The following CSMD1 variants were observed in gnomAD, a reference collection of about 807,000 sequenced individuals.
CSMD1 encodes the protein CUB and sushi domain-containing protein 1.
In CSMD1, 213 loss-of-function variants were observed where a neutral mutation model predicts 417.5. The observed-to-expected ratio is 0.51, with a 90% confidence interval of 0.46 to 0.57. CSMD1 has a LOEUF of 0.57. CSMD1 is among the 20% of genes least tolerant of loss of function. The probability of loss-of-function intolerance (pLI) is 0.00; values close to 1 mark genes in which losing one functional copy is unlikely to be tolerated. For missense variants in CSMD1, 6,923 were observed against 4,529.7 expected (o/e 1.53, Z -15.17); for synonymous variants, 2,862 against 1,736.8 (o/e 1.65, Z -16.11).
chr8:4,437,251 G>A (rs998812945), intron 2 of CSMD1, among the ~76,000 whole-genome samples: 2 of 152,146 alleles, frequency 1.3e-5, no homozygotes, highest in African/African-American at 4.8e-5. Context: ...TCTGAAATTA[G>A]GCAGTAGAGA....
intron 5 of CSMD1, among the ~76,000 whole-genome samples, chr8:3,829,385 G>A (rs1469960765): frequency 6.6e-6 from 1 of 152,154 alleles, no homozygotes; most frequent in Admixed American, 6.5e-5. Flanking sequence ...CTTCAGAGAA[G>A]TTTCAGGTTT....
intron 6 of CSMD1, among the ~76,000 whole-genome samples, chr8:3,734,603 C>T (rs1317573919): frequency 2.0e-5 from 3 of 152,078 alleles, no homozygotes; most frequent in Non-Finnish European, 2.9e-5. Flanking sequence ...CCCAACTACT[C>T]GGGAGTCTGA....
At chr8:4,581,050 A>G (rs1476541279) in intron 2 of CSMD1, among the ~76,000 whole-genome samples, 1 of 152,188 alleles carries the variant, frequency 6.6e-6, no homozygotes, top group Non-Finnish European at 1.5e-5. Context: ...TGGAGCAAAG[A>G]CTGCATATGA....
At chr8:3,542,012 G>A (rs561866320) in intron 10 of CSMD1, among the ~76,000 whole-genome samples, 5,985 of 151,506 alleles carry the variant, frequency 0.04, 342 homozygotes, top group African/African-American at 0.12. Context: ...ACTCCATTTC[G>A]AAAAAAAGGA....
At chr8:3,791,265 G>A (rs1030933062) in intron 5 of CSMD1, among the ~76,000 whole-genome samples, 1 of 152,148 alleles carries the variant, frequency 6.6e-6, no homozygotes, top group Non-Finnish European at 1.5e-5. Context: ...TCCAAAGCAT[G>A]TATGATAAAC....
chr8:3,987,095 G>A (rs541523690), intron 5 of CSMD1, among the ~76,000 whole-genome samples: 2 of 152,052 alleles, frequency 1.3e-5, no homozygotes, highest in Non-Finnish European at 1.5e-5. Context: ...GAAAACGATG[G>A]GTTCCTTTCT....
At chr8:3,790,380 G>C (rs896525685) in intron 5 of CSMD1, among the ~76,000 whole-genome samples, 4 of 152,120 alleles carry the variant, frequency 2.6e-5, no homozygotes, top group African/African-American at 4.8e-5. Flanking sequence ...TGATGGTTAT[G>C]ATGATGGTGA....
chr8:3,294,091 C>T (rs551300530), intron 25 of CSMD1, among the ~76,000 whole-genome samples: 1 of 152,328 alleles, frequency 6.6e-6, no homozygotes, highest in South Asian at 2.1e-4. Flanking sequence ...TGGAGGTGCA[C>T]TCCGGACCCT....
At chr8:4,784,654 G>A (rs1797309943) in intron 1 of CSMD1, among the ~76,000 whole-genome samples, 1 of 152,116 alleles carries the variant, frequency 6.6e-6, no homozygotes, top group Non-Finnish European at 1.5e-5. Context: ...TCCATTAAAA[G>A]AAGGGCAAAT....
chr8:3,900,458 T>G (rs1323082955), intron 5 of CSMD1, among the ~76,000 whole-genome samples: 3 of 150,446 alleles, frequency 2.0e-5, no homozygotes, highest in African/African-American at 7.4e-5. Flanking sequence ...TGCATAACAG[T>G]GCAGCTGGGT....
rs866462967 is a variant in CSMD1 at position 4,296,696 on chromosome 8, G to T, written c.415+123257C>A. Among the ~76,000 whole-genome samples, 167 of 114,852 alleles carry T rather than the reference G, an allele frequency of 1.5e-3. 1 individual carries two copies. The highest frequency in any genetic ancestry group is 4.7e-3 in the African/African-American group (144 of 30,356). The allele number at this position is 114,852 out of a possible 152,430, so 75.3% of individuals were successfully genotyped here. A position where few individuals can be genotyped will look rare whatever the true frequency, so the allele number is the denominator to read the frequency against. On this transcript the variant is annotated intron_variant, in intron 3 of 69. Coordinates refer to ENST00000635120, the MANE Select transcript of CSMD1 (RefSeq NM_033225.6). The stretch of plus-strand genomic sequence containing the variant: ...GGTCCCTGAAAACACGAAAATAAGG[G>T]TTTTTTTTTTTTTTTTTTTCTCCAG...
intron 23 of CSMD1, among the ~76,000 whole-genome samples, chr8:3,316,377 T>A (rs771304668): frequency 3.3e-5 from 5 of 151,936 alleles, no homozygotes; most frequent in African/African-American, 7.3e-5. Flanking sequence ...GTGGGAAGAG[T>A]AAAATAAAAC....
intron 2 of CSMD1, among the ~76,000 whole-genome samples, chr8:4,433,065 T>A (rs1271635884): frequency 6.6e-6 from 1 of 152,152 alleles, no homozygotes; most frequent in African/African-American, 2.4e-5. Context: ...GCACACTCTT[T>A]ATAACTATCC....
chr8:3,289,484 C>G lies in CSMD1; in HGVS notation c.3951-5138G>C, dbSNP rs1342885240. On this transcript the variant is annotated intron_variant, in intron 25 of 69. Coordinates refer to ENST00000635120, the MANE Select transcript of CSMD1 (RefSeq NM_033225.6). ...CTATTTCTCCATATCCTCTCCAGCA[C>G]CTGTTTTTTCCTGACTTGTTAATGA... 4.8e-5 allele frequency among the ~76,000 whole-genome samples: 7 copies of G among 147,100 alleles called. No individual in the cohort carries two copies. The East Asian group carries it at 1.4e-3, about 29-fold the overall frequency.
chr8:4,442,990 A>C (rs1404928290), intron 2 of CSMD1, among the ~76,000 whole-genome samples: 1 of 152,158 alleles, frequency 6.6e-6, no homozygotes, highest in Admixed American at 6.5e-5. Flanking sequence ...TCATTGCTTT[A>C]ACTCTTCCAT....
At chr8:4,864,008 G>C (rs974886262) in intron 1 of CSMD1, among the ~76,000 whole-genome samples, 2 of 151,888 alleles carry the variant, frequency 1.3e-5, no homozygotes, top group African/African-American at 4.8e-5. Context: ...TCTATATATG[G>C]CAATATGCTT....
chr8:3,272,678 A>C (rs185349691), intron 26 of CSMD1, among the ~76,000 whole-genome samples: 10,642 of 137,776 alleles, frequency 0.077, 689 homozygotes, highest in Middle Eastern at 0.1. Flanking sequence ...TAGGTATTTT[A>C]TTCTCTTCGA....
intron 1 of CSMD1, among the ~76,000 whole-genome samples, chr8:4,853,209 G>C (rs76315001): frequency 6.6e-6 from 1 of 152,116 alleles, no homozygotes; most frequent in Admixed American, 6.5e-5. Flanking sequence ...AAGACAATGG[G>C]ATAAAGCCCT....
intron 2 of CSMD1, among the ~76,000 whole-genome samples, chr8:4,427,937 A>C (rs1405047956): frequency 1.3e-5 from 2 of 152,154 alleles, no homozygotes; most frequent in Non-Finnish European, 2.9e-5. Context: ...ACTTTATTTA[A>C]AGTTATGTTT....
Sources: allele counts gnomAD v4.1 joint callset (sites outside exome capture counted in the v4.1 genomes callset), GRCh38; gene constraint gnomAD v4.1.1; transcripts MANE v1.5; gene names NCBI Gene and HGNC (gene_info 2026-07-23, HGNC 2026-07-21).